The following ARFGEF1 variants were observed in gnomAD, a reference collection of about 807,000 sequenced individuals.
The protein encoded by ARFGEF1 is brefeldin A-inhibited guanine nucleotide-exchange protein 1.
ARFGEF1 carries 42 observed loss-of-function variants against 231.0 expected under a neutral mutation model. The ratio of observed to expected loss-of-function variants is 0.18; its 90% CI spans 0.14 to 0.24. The LOEUF (loss-of-function observed/expected upper bound fraction) is 0.24. Among genes scored for constraint, ARFGEF1 ranks in the 10% least tolerant of loss-of-function variants. The pLI is 1.00. For synonymous variants in ARFGEF1, 710 were observed against 732.3 expected, an observed-to-expected ratio of 0.97 and a Z score of 0.49; for missense variants, 1,345 against 2,192.0, an observed-to-expected ratio of 0.61 and a Z score of 7.72.
chr8:67,223,919 T>C (rs536281175), intron 29 of ARFGEF1, among the ~76,000 whole-genome samples: 3 of 152,316 alleles, frequency 2.0e-5, no homozygotes, highest in Non-Finnish European at 4.4e-5. Flanking sequence ...TAAAATGTTT[T>C]TCTATAGTGC....
At chr8:67,203,911 G>A (rs1231397706) in intron 35 of ARFGEF1, among the ~76,000 whole-genome samples, 2 of 152,098 alleles carry the variant, frequency 1.3e-5, no homozygotes, top group Non-Finnish European at 2.9e-5. Flanking sequence ...GAACTGTCTG[G>A]GCTTCTACCC....
chr8:67,239,328 A>G (rs1563857783), intron 20 of ARFGEF1, among the ~76,000 whole-genome samples: 3 of 152,052 alleles, frequency 2.0e-5, no homozygotes, highest in Non-Finnish European at 4.4e-5. Flanking sequence ...TCTTTTGCCT[A>G]TTAAACCTCC....
chr8:67,302,676 A>G (rs2128916344), intron 1 of ARFGEF1, among the ~76,000 whole-genome samples: 1 of 152,304 alleles, frequency 6.6e-6, no homozygotes, highest in Non-Finnish European at 1.5e-5. Flanking sequence ...ATTAACAAAC[A>G]TAAGGATAGG....
chr8:67,272,783 T>C (rs892012977), intron 9 of ARFGEF1, among the ~76,000 whole-genome samples: 2 of 152,244 alleles, frequency 1.3e-5, no homozygotes, highest in African/African-American at 2.4e-5. Flanking sequence ...TTTTTTTCTT[T>C]TGAAATAAAT....
chr8:67,333,146 C>T (rs1320683781), intron 1 of ARFGEF1, among the ~76,000 whole-genome samples: 1 of 151,908 alleles, frequency 6.6e-6, no homozygotes, highest in African/African-American at 2.4e-5. Context: ...AGCGATTCTC[C>T]TGCCTCAGCC....
intron 20 of ARFGEF1, among the ~76,000 whole-genome samples, chr8:67,239,843 AC>A (rs1839876160): frequency 6.6e-6 from 1 of 152,230 alleles, no homozygotes; most frequent in East Asian, 1.9e-4. Context: ...CTATGATTCA[AC>A]AAGATATTTT....
intron 1 of ARFGEF1, among the ~76,000 whole-genome samples, chr8:67,318,239 GAAAA>G (rs34563091): frequency 1.3e-5 from 1 of 78,198 alleles, no homozygotes; most frequent in Non-Finnish European, 2.6e-5. Flanking sequence ...TCCGTCTCAA[GAAAA>G]AAAAAAAAAA....
chr8:67,217,501 T>C (rs1838978615), intron 32 of ARFGEF1, among the ~76,000 whole-genome samples: 1 of 152,106 alleles, frequency 6.6e-6, no homozygotes, highest in Non-Finnish European at 1.5e-5. Context: ...TTGATCTGAA[T>C]AAATAAAATC....
At chr8:67,204,092 C>G (rs1838428795) in intron 35 of ARFGEF1, among the ~76,000 whole-genome samples, 1 of 152,208 alleles carries the variant, frequency 6.6e-6, no homozygotes, top group South Asian at 2.1e-4. Context: ...GCAAACCCCT[C>G]TCTTGAACCC....
chr8:67,222,591 C>T (rs1839235624), intron 29 of ARFGEF1, among the ~76,000 whole-genome samples: 1 of 152,138 alleles, frequency 6.6e-6, no homozygotes, highest in South Asian at 2.1e-4. Context: ...GCTGCGATTA[C>T]AGGTGCGCAC....
At chr8:67,275,041 A>G (rs1259857594) in intron 9 of ARFGEF1, among the ~76,000 whole-genome samples, 1 of 152,106 alleles carries the variant, frequency 6.6e-6, no homozygotes, top group Non-Finnish European at 1.5e-5. Flanking sequence ...TAGTTTCCAC[A>G]TATGTATGAA....
rs370082675 is a variant in ARFGEF1, at chr8:67,214,963, GC to G, written c.4686+1626del. The stretch of plus-strand genomic sequence containing the variant: ...ATAGCCCCAGAGGGCAGAATATCAA[GC>G]CACACAGCATTATTCTCAGGCCTTA... On this transcript the variant is annotated intron_variant, in intron 33 of 38. Coordinates refer to ENST00000262215, the MANE Select transcript of ARFGEF1 (RefSeq NM_006421.5). Among the ~76,000 whole-genome samples, 226 of 152,296 alleles carry G rather than the reference GC, an allele frequency of 1.5e-3. 1 individual carries two copies. Among genetic ancestry groups the G allele is most frequent in the African/African-American group, 5.1e-3 (213 of 41,558 alleles).
intron 5 of ARFGEF1, among the ~76,000 whole-genome samples, chr8:67,185,503 A>G (rs1029776859): frequency 2.0e-5 from 3 of 152,218 alleles, no homozygotes; most frequent in African/African-American, 4.8e-5. Context: ...TGTACAGCCA[A>G]TGGTTTCCCT....
intron 19 of ARFGEF1, among the ~76,000 whole-genome samples, chr8:67,244,141 C>G (rs1163654888): frequency 6.8e-6 from 1 of 146,738 alleles, no homozygotes; most frequent in East Asian, 2.2e-4. Context: ...ACTCAGGAGG[C>G]TGAGGCAGAG....
intron 35 of ARFGEF1, among the ~76,000 whole-genome samples, chr8:67,203,863 A>C (rs554995014): frequency 9.2e-5 from 14 of 152,304 alleles, no homozygotes; most frequent in African/African-American, 2.9e-4. Flanking sequence ...TCCTGCATCC[A>C]CAACCCATCC....
Position 67,251,292 on chromosome 8 carries a change from T to C in ARFGEF1, c.2850+7A>G, listed in dbSNP as rs1186104295. The C allele has an allele frequency of 5.7e-6, 9 of 1,579,508 alleles. No individual in the cohort carries two copies. The highest frequency in any genetic ancestry group is 1.9e-5 in the Admixed American group (1 of 52,132). ...ACTGCAATCAAACATTACTTGAAAA[T>C]TCTAACCTTAAACATGGGCCTCACA... On this transcript the variant is annotated splice_region_variant and intron_variant, in intron 19 of 38. Transcript: ENST00000262215.
At position 67,343,242 on chromosome 8, in the gene ARFGEF1, G is replaced by C; in HGVS notation, c.46C>G (p.Leu16Val). The C allele has an allele frequency of 6.2e-7, 1 of 1,613,888 alleles. No homozygotes were observed. The highest frequency in any genetic ancestry group is 8.5e-7 in the Non-Finnish European group (1 of 1,179,862). ...TCCTTGTCGGCCAATATCTTCTCCAGAGCCCGGGTCAGGAACATGTTCTTC... is the reference window on the plus strand; with the variant it reads ...TCCTTGTCGGCCAATATCTTCTCCACAGCCCGGGTCAGGAACATGTTCTTC... ...KTKNMFLTRA[L>V]EKILADKEVK... Residue 16 changes from leucine (L) to valine (V), a missense_variant, in exon 1 of 39, where the codon CTG becomes GTG. Around this residue, in one of 14 missense-constraint regions of ARFGEF1, gnomAD observed 398 missense variants for 463.2 expected, o/e 0.86. Transcript: ENST00000262215.
At position 67,218,025 on chromosome 8, in the gene ARFGEF1, C is replaced by G. The variant is rs1838997319; in HGVS notation, c.4452G>C (p.Gln1484His). The G allele has an allele frequency of 6.2e-7, 1 of 1,610,808 alleles. No homozygotes were observed. Among genetic ancestry groups the G allele is most frequent in the East Asian group, 2.2e-5 (1 of 44,808 alleles). ...TACCTTGCTGCACACACCAGTAGAG[C>G]TGAGCAAAAATGTCATCCAAAAGTA... is the stretch of plus-strand genomic sequence containing the variant. ...SDVLLDDIFA[Q>H]LYWCVQQDNE... Residue 1484 changes from glutamine to histidine, a missense_variant, in exon 31 of 39, where the codon CAG (glutamine) becomes CAC (histidine). By Grantham distance (24) the Gln-to-His change is conservative. Transcript: ENST00000262215.
chr8:67,175,223 T>C (rs1049563230), downstream of ARFGEF1: 36 of 1,098,178 alleles, frequency 3.3e-5, no homozygotes, highest in African/African-American at 4.2e-4. Context: ...TCATGTTACT[T>C]ACAGTGAAGT....
Sources: allele counts gnomAD v4.1 joint callset (sites outside exome capture counted in the v4.1 genomes callset), GRCh38; gene constraint gnomAD v4.1.1; regional missense constraint gnomAD v4.1.1; transcripts MANE v1.5; gene names NCBI Gene and HGNC (gene_info 2026-07-23, HGNC 2026-07-21).